TCF4: variants seen among roughly 807,000 people sequenced by gnomAD.
The protein encoded by TCF4 is transcription factor 4.
In TCF4, 3 loss-of-function variants were observed where a neutral mutation model predicts 82.1. The observed-to-expected ratio is 0.04, with a 90% CI of 0.02 to 0.09. The LOEUF (loss-of-function observed/expected upper bound fraction) is 0.09, where lower values mean the gene tolerates loss of function less well. TCF4 is among the 10% of genes least tolerant of loss of function. The pLI, the probability that TCF4 is intolerant of heterozygous loss-of-function variation, is 1.00. For missense variants in TCF4, 518 were observed against 852.7 expected (o/e 0.61, Z 4.89); for synonymous variants, 276 against 309.6 (o/e 0.89, Z 1.14).
At chr18:55,382,426 CAA>C (rs1419059253) in intron 6 of TCF4, among the ~76,000 whole-genome samples, 6 of 151,606 alleles carry the variant, frequency 4.0e-5, no homozygotes, top group South Asian at 2.1e-4. Context: ...TATTTCCTAC[CAA>C]GAGAGGAAAA....
chr18:55,276,717 G>C (rs924904193), intron 9 of TCF4, among the ~76,000 whole-genome samples: 1 of 152,058 alleles, frequency 6.6e-6, no homozygotes, highest in Non-Finnish European at 1.5e-5. Context: ...GTATACACTA[G>C]GCCATCAGCT....
At chr18:55,335,196 C>A (rs888573316) in intron 8 of TCF4, among the ~76,000 whole-genome samples, 4 of 152,130 alleles carry the variant, frequency 2.6e-5, no homozygotes, top group Admixed American at 6.6e-5. Flanking sequence ...CATTTACATA[C>A]CATATGCCCT....
intron 8 of TCF4, among the ~76,000 whole-genome samples, chr18:55,292,711 T>TGTGA (rs1233031914): frequency 2.0e-5 from 3 of 151,972 alleles, no homozygotes; most frequent in Non-Finnish European, 2.9e-5. Context: ...TGTGTGTGTG[T>TGTGA]GTATACACGT....
At chr18:55,545,701 C>T (rs952979801) in intron 3 of TCF4, among the ~76,000 whole-genome samples, 4 of 152,148 alleles carry the variant, frequency 2.6e-5, no homozygotes, top group Admixed American at 6.5e-5. Flanking sequence ...CTGCCTGCCT[C>T]GGCCTCCCAA....
chr18:55,488,257 G>A lies in TCF4; in HGVS notation c.146-24120C>T, dbSNP rs146826011. Among the ~76,000 whole-genome samples the A allele has an allele frequency of 2.6e-4, 40 of 152,212 alleles. No homozygotes were observed. The South Asian group carries it at 5.2e-3, about 20-fold the overall frequency. On this transcript the variant is annotated intron_variant, in intron 3 of 19. Transcript: ENST00000354452. ...TTTAAATGTGACACACATACATTCC[G>A]TTTTGGTGTCCGTATTTCAAGCATT...
chr18:55,525,705 T>G (rs1390930225), intron 3 of TCF4, among the ~76,000 whole-genome samples: 1 of 152,124 alleles, frequency 6.6e-6, no homozygotes, highest in Non-Finnish European at 1.5e-5. Flanking sequence ...GAACCCAATT[T>G]CCACACCTCT....
At chr18:55,267,890 A>G (rs940283286) in intron 11 of TCF4, 14 of 152,120 alleles carry the variant, frequency 9.2e-5, no homozygotes, top group Non-Finnish European at 1.9e-4. Flanking sequence ...TATGGTTTTT[A>G]ACAAGTTAAG....
intron 2 of TCF4, among the ~76,000 whole-genome samples, chr18:55,609,597 C>T (rs2097705275): frequency 6.6e-6 from 1 of 152,100 alleles, no homozygotes; most frequent in African/African-American, 2.4e-5. Flanking sequence ...ATTGCTGAGT[C>T]TGAATTTTAA....
At chr18:55,427,977 C>A (rs1679763577) in intron 5 of TCF4, among the ~76,000 whole-genome samples, 1 of 152,084 alleles carries the variant, frequency 6.6e-6, no homozygotes, top group Non-Finnish European at 1.5e-5. Flanking sequence ...AAAGTGCAAA[C>A]AACTATAAAC....
At chr18:55,468,891 C>CCA (rs57616325) in intron 3 of TCF4, among the ~76,000 whole-genome samples, 13,476 of 127,728 alleles carry the variant, frequency 0.11, 1,236 homozygotes, top group African/African-American at 0.24. Context: ...GCCCCCCCCC[C>CCA]CCTTGTTCTA....
intron 3 of TCF4, among the ~76,000 whole-genome samples, chr18:55,575,402 CT>C (rs1475187212): frequency 6.6e-6 from 1 of 152,118 alleles, no homozygotes; most frequent in Non-Finnish European, 1.5e-5. Context: ...GATATTCAAC[CT>C]GGAAATATTA....
At chr18:55,586,029 G>A (rs1312963766) in intron 2 of TCF4, 2 of 1,369,062 alleles carry the variant, frequency 1.5e-6, no homozygotes, top group Admixed American at 2.7e-5. Flanking sequence ...AGTGCAACAA[G>A]CAGAAAGGGG....
chr18:55,550,062 A>G (rs1488177303), intron 3 of TCF4, among the ~76,000 whole-genome samples: 1 of 152,240 alleles, frequency 6.6e-6, no homozygotes, highest in East Asian at 1.9e-4. Flanking sequence ...AACTTTTAAC[A>G]TGAAACACTT....
intron 5 of TCF4, among the ~76,000 whole-genome samples, chr18:55,442,597 C>T (rs967019415): frequency 1.3e-5 from 2 of 152,142 alleles, no homozygotes; most frequent in African/African-American, 4.8e-5. Flanking sequence ...AAAAATAACA[C>T]ATAGGAAGTC....
At chr18:55,358,164 C>A (rs958114436) in intron 6 of TCF4, among the ~76,000 whole-genome samples, 6 of 152,242 alleles carry the variant, frequency 3.9e-5, no homozygotes, top group African/African-American at 1.4e-4. Flanking sequence ...TAACTTTCTA[C>A]AGTGCCTGGC....
chr18:55,513,396 C>A (rs1264769079), intron 3 of TCF4, among the ~76,000 whole-genome samples: 2 of 150,906 alleles, frequency 1.3e-5, no homozygotes, highest in African/African-American at 4.9e-5. Context: ...ACATCAATAG[C>A]CCATCTCCAT....
In TCF4 at chr18:55,587,069, C is replaced by G; in HGVS notation, c.48G>C (p.Leu16=). The G allele has an allele frequency of 3.7e-6, 6 of 1,613,730 alleles. No individual in the cohort carries two copies. Among genetic ancestry groups the G allele is most frequent in the Non-Finnish European group, 5.1e-6 (6 of 1,179,948 alleles). Residue 16 remains leucine, a synonymous_variant, in exon 2 of 20, where the codon CTG becomes CTC. Coordinates refer to ENST00000354452, the MANE Select transcript of TCF4 (RefSeq NM_001083962.2). The stretch of plus-strand genomic sequence containing the variant: ...CCGCACTGAAATCCAGTAAATCACT[C>G]AGCTCTTTGTCCGTCCCTAAGGCAG... ...RMAALGTDKE[L]SDLLDFSAMF...
At chr18:55,500,636 C>A (rs924279792) in intron 3 of TCF4, among the ~76,000 whole-genome samples, 3 of 152,102 alleles carry the variant, frequency 2.0e-5, no homozygotes, top group African/African-American at 7.2e-5. Flanking sequence ...TGTTTTTAAG[C>A]GCTATCAGCC....
chr18:55,254,635 T>G lies in TCF4; in HGVS notation c.1212A>C (p.Ala404=). 6.2e-7 allele frequency: 1 copy of G among 1,613,522 alleles called. No homozygotes were observed. Among genetic ancestry groups the G allele is most frequent in the Non-Finnish European group, 8.5e-7 (1 of 1,179,824 alleles). ...CAGGCATAGCTGTGGATGGGCCCACTGCATGGTTCCGGAGAACATGAATAG... is the reference window on the plus strand; with the variant it reads ...CAGGCATAGCTGTGGATGGGCCCACGGCATGGTTCCGGAGAACATGAATAG... The part of the protein sequence containing the change: ...DDAIHVLRNH[A]VGPSTAMPGG... The change falls in exon 15 of 20, where the codon GCA becomes GCC. Residue 404 remains alanine (A), a synonymous_variant. Coordinates refer to ENST00000354452, the MANE Select transcript of TCF4 (RefSeq NM_001083962.2).
Sources: allele counts gnomAD v4.1 joint callset (sites outside exome capture counted in the v4.1 genomes callset), GRCh38; gene constraint gnomAD v4.1.1; transcripts MANE v1.5; gene names NCBI Gene and HGNC (gene_info 2026-07-23, HGNC 2026-07-21).